Variants in SGCZ observed in about 807,000 individuals in gnomAD.
SGCZ encodes sarcoglycan zeta.
In SGCZ, 40 loss-of-function variants were observed where a neutral mutation model predicts 41.3. That is an observed-to-expected ratio of 0.97 (90% CI 0.75 to 1.26). The LOEUF (loss-of-function observed/expected upper bound fraction) is 1.26, where lower values mean the gene tolerates loss of function less well. Among genes scored for constraint, SGCZ ranks in the 50% most tolerant of loss-of-function variants. The pLI is 0.00. For missense variants in SGCZ, 552 were observed against 369.8 expected, an observed-to-expected ratio of 1.49 and a Z score of -4.04; for synonymous variants, 206 against 137.5, an observed-to-expected ratio of 1.50 and a Z score of -3.49.
At chr8:14,245,559 C>G (rs1345994333) in intron 3 of SGCZ, among the ~76,000 whole-genome samples, 1 of 152,062 alleles carries the variant, frequency 6.6e-6, no homozygotes. Flanking sequence ...TCTAAAACAC[C>G]AAAAGCAATG....
chr8:14,389,602 A>G (rs890470429), intron 2 of SGCZ, among the ~76,000 whole-genome samples: 3 of 152,088 alleles, frequency 2.0e-5, no homozygotes, highest in African/African-American at 7.2e-5. Context: ...AGATCGTCTT[A>G]GACAAAAGCT....
At chr8:14,400,844 G>A (rs1358078464) in intron 2 of SGCZ, among the ~76,000 whole-genome samples, 1 of 152,094 alleles carries the variant, frequency 6.6e-6, no homozygotes, top group Non-Finnish European at 1.5e-5. Context: ...AATTAGCATG[G>A]CAGCACAAGT....
intron 1 of SGCZ, among the ~76,000 whole-genome samples, chr8:14,854,760 T>G (rs1803481456): frequency 6.6e-6 from 1 of 152,140 alleles, no homozygotes; most frequent in African/African-American, 2.4e-5. Flanking sequence ...ATTATCATTT[T>G]ATTTTCATAG....
intron 1 of SGCZ, among the ~76,000 whole-genome samples, chr8:14,703,138 A>T (rs1000430105): frequency 6.6e-6 from 1 of 152,006 alleles, no homozygotes; most frequent in East Asian, 1.9e-4. Flanking sequence ...ACATGATGTT[A>T]TCACCCTATT....
chr8:14,272,919 T>C (rs186667890), intron 3 of SGCZ, among the ~76,000 whole-genome samples: 37 of 152,208 alleles, frequency 2.4e-4, no homozygotes, highest in Admixed American at 1.3e-4. Flanking sequence ...TAGATGGAGA[T>C]GATAAAAAAC....
intron 1 of SGCZ, among the ~76,000 whole-genome samples, chr8:14,958,654 G>A (rs978463737): frequency 6.6e-6 from 1 of 151,966 alleles, no homozygotes; most frequent in Non-Finnish European, 1.5e-5. Context: ...CTAGTTGTGT[G>A]CATTTGCACA....
intron 2 of SGCZ, among the ~76,000 whole-genome samples, chr8:14,324,587 C>A (rs1398287901): frequency 6.6e-6 from 1 of 152,030 alleles, no homozygotes; most frequent in Non-Finnish European, 1.5e-5. Context: ...TTTTACATTA[C>A]AGTTATACAA....
intron 2 of SGCZ, among the ~76,000 whole-genome samples, chr8:14,337,527 C>T (rs925959227): frequency 1.3e-5 from 2 of 152,134 alleles, no homozygotes; most frequent in African/African-American, 4.8e-5. Context: ...ACTAGAATGA[C>T]TCCCGGAAGT....
chr8:15,029,630 G>A (rs1259830973), intron 1 of SGCZ, among the ~76,000 whole-genome samples: 1 of 152,066 alleles, frequency 6.6e-6, no homozygotes, highest in Non-Finnish European at 1.5e-5. Context: ...TCATAAGGGG[G>A]AAATGTTACT....
chr8:14,194,108 A>G (rs932001999), intron 4 of SGCZ, among the ~76,000 whole-genome samples: 1 of 151,874 alleles, frequency 6.6e-6, no homozygotes, highest in Non-Finnish European at 1.5e-5. Context: ...ACTCAACAAT[A>G]TAATACGTAA....
At chr8:14,126,998 G>A (rs879736055) in intron 5 of SGCZ, among the ~76,000 whole-genome samples, 3 of 151,994 alleles carry the variant, frequency 2.0e-5, no homozygotes, top group Admixed American at 1.3e-4. Flanking sequence ...GGGAGGGAGA[G>A]CATCAGGACA....
chr8:14,526,823 C>T (rs187572260), intron 2 of SGCZ, among the ~76,000 whole-genome samples: 2 of 152,096 alleles, frequency 1.3e-5, no homozygotes, highest in Admixed American at 6.6e-5. Flanking sequence ...ATGACAGATT[C>T]GTACCACATA....
chr8:14,667,090 T>C lies in SGCZ; in HGVS notation c.40-112164A>G, dbSNP rs544778481. ...GTCAATGTTATAGTATTATCTTCAATATTCAAAGTGCTTGAAGCAGGTATG... is the reference window on the plus strand; with the variant it reads ...GTCAATGTTATAGTATTATCTTCAACATTCAAAGTGCTTGAAGCAGGTATG... On this transcript the variant is annotated intron_variant, in intron 1 of 7. Coordinates refer to ENST00000382080, the MANE Select transcript of SGCZ (RefSeq NM_139167.4). Among the ~76,000 whole-genome samples, 12 of 152,256 alleles carry C rather than the reference T, an allele frequency of 7.9e-5. No homozygotes were observed. The South Asian group carries it at 1.7e-3, about 21-fold the overall frequency.
At chr8:14,485,707 T>C (rs1801652261) in intron 2 of SGCZ, among the ~76,000 whole-genome samples, 2 of 152,204 alleles carry the variant, frequency 1.3e-5, no homozygotes, top group Non-Finnish European at 2.9e-5. Flanking sequence ...AGATGTCCAG[T>C]AATCTAATTG....
At chr8:14,915,188 A>C (rs984601278) in intron 1 of SGCZ, among the ~76,000 whole-genome samples, 1 of 152,218 alleles carries the variant, frequency 6.6e-6, no homozygotes, top group African/African-American at 2.4e-5. Flanking sequence ...TAGATAAATA[A>C]CAATTTACAA....
intron 1 of SGCZ, among the ~76,000 whole-genome samples, chr8:15,108,487 T>C (rs905597613): frequency 2.6e-5 from 4 of 152,208 alleles, no homozygotes; most frequent in African/African-American, 9.6e-5. Context: ...ATGCTGCATA[T>C]ATTTATATAT....
At chr8:14,997,944 A>C (rs1351272253) in intron 1 of SGCZ, among the ~76,000 whole-genome samples, 2 of 152,024 alleles carry the variant, frequency 1.3e-5, no homozygotes, top group Non-Finnish European at 2.9e-5. Context: ...TGGGCGAAAG[A>C]GTGAGACTCT....
intron 2 of SGCZ, among the ~76,000 whole-genome samples, chr8:14,535,956 A>C (rs1803283679): frequency 6.6e-6 from 1 of 151,854 alleles, no homozygotes; most frequent in Admixed American, 6.6e-5. Context: ...ATGATCTTAC[A>C]TAGTTTCAAA....
intron 3 of SGCZ, among the ~76,000 whole-genome samples, chr8:14,297,394 T>C (rs1007448476): frequency 6.6e-6 from 1 of 151,010 alleles, no homozygotes; most frequent in Non-Finnish European, 1.5e-5. Context: ...AATAAATATA[T>C]AGAAATAAGT....
Sources: allele counts gnomAD v4.1 joint callset (sites outside exome capture counted in the v4.1 genomes callset), GRCh38; gene constraint gnomAD v4.1.1; transcripts MANE v1.5; gene names NCBI Gene and HGNC (gene_info 2026-07-23, HGNC 2026-07-21).